The following DOCK7 variants were observed in gnomAD, a reference collection of about 807,000 sequenced individuals.
The protein encoded by DOCK7 is dedicator of cytokinesis protein 7.
Under a neutral mutation model 271.0 loss-of-function variants are expected in DOCK7, and 138 were observed. The observed-to-expected ratio is 0.51, with a 90% CI of 0.44 to 0.59. The LOEUF (loss-of-function observed/expected upper bound fraction) is 0.59, where lower values mean the gene tolerates loss of function less well. Ranked by LOEUF, DOCK7 falls within the 20% of genes least tolerant of loss-of-function variation. The pLI is 0.00. For synonymous variants in DOCK7, 823 were observed against 876.1 expected (o/e 0.94, Z 1.07); for missense variants, 2,066 against 2,592.4 (o/e 0.80, Z 4.41).
intron 43 of DOCK7, chr1:62,479,766 T>TCAA: frequency 2.7e-6 from 1 of 365,936 alleles, no homozygotes; most frequent in South Asian, 2.1e-5. Flanking sequence ...TCACTACAGC[T>TCAA]TCTGTCTCCT....
At chr1:62,606,958 A>G (rs961254280) in intron 14 of DOCK7, among the ~76,000 whole-genome samples, 8 of 152,170 alleles carry the variant, frequency 5.3e-5, no homozygotes, top group Non-Finnish European at 8.8e-5. Flanking sequence ...CTGTAATCCC[A>G]GGACTTTGGG....
intron 13 of DOCK7, 59 bp from the exon 14 acceptor site, chr1:62,618,927 G>GT: frequency 1.0e-5 from 15 of 1,483,336 alleles, no homozygotes; most frequent in Non-Finnish European, 1.2e-5. Context: ...CGTTAAACAT[G>GT]TTTTTTAAAG....
intron 13 of DOCK7, 73 bp downstream of exon 13, chr1:62,619,827 C>A: frequency 1.2e-5 from 11 of 881,942 alleles, no homozygotes; most frequent in East Asian, 5.7e-5. Flanking sequence ...AAAAAAGATA[C>A]ATAATTATAA....
At chr1:62,573,091 C>T (rs756676201) in intron 18 of DOCK7, among the ~76,000 whole-genome samples, 2 of 152,102 alleles carry the variant, frequency 1.3e-5, no homozygotes, top group Non-Finnish European at 2.9e-5. Context: ...GAGTGTGTAT[C>T]AGTAGCATGG....
In DOCK7 at chr1:62,634,781, C is replaced by T; in HGVS notation, c.1027G>A (p.Val343Ile). The change falls in exon 9 of 50, where the codon GTA becomes ATA. Residue 343 changes from valine to isoleucine, a missense_variant. Coordinates refer to ENST00000635253, the MANE Select transcript of DOCK7 (RefSeq NM_001367561.1). ...TTTAACATTATTCTCACCTTTATTA[C>T]AAGAAAAACATCTTGGGAAGGATAA... ...ITYPSQDVFLVIKLEKVLQQG... is the reference protein window; with the variant it reads ...ITYPSQDVFLIIKLEKVLQQG... 1 of 1,611,350 alleles carries T rather than the reference C, an allele frequency of 6.2e-7. No individual in the cohort carries two copies.
chr1:62,678,621 T>G (rs921148313), intron 1 of DOCK7, among the ~76,000 whole-genome samples: 6 of 152,210 alleles, frequency 3.9e-5, no homozygotes, highest in Non-Finnish European at 5.9e-5. Flanking sequence ...CTATGAGTTT[T>G]GGGTTCAGGG....
At chr1:62,556,018 T>C (rs752301983) in intron 20 of DOCK7, 29 bp from the exon 21 acceptor site, 1 of 1,604,780 alleles carries the variant, frequency 6.2e-7, no homozygotes. Context: ...TATTTACCTT[T>C]GCTTTAACTT....
intron 42 of DOCK7, 187 bp from the exon 43 acceptor site, chr1:62,487,599 C>A: frequency 2.0e-6 from 1 of 492,908 alleles, no homozygotes; most frequent in Non-Finnish European, 3.6e-6. Flanking sequence ...AACCCAGTGG[C>A]TAAAATTTTG....
chr1:62,518,080 C>T (rs1168047), intron 31 of DOCK7, among the ~76,000 whole-genome samples: 88,693 of 152,008 alleles, frequency 0.58, 27,542 homozygotes, highest in East Asian at 0.76. Flanking sequence ...TAGAAGTACA[C>T]ATAGTATATA....
At chr1:62,543,900 C>A (rs1382631480) in intron 23 of DOCK7, among the ~76,000 whole-genome samples, 155 bp from the exon 24 acceptor site, 1 of 152,094 alleles carries the variant, frequency 6.6e-6, no homozygotes, top group South Asian at 2.1e-4. Context: ...CCATGTTAAG[C>A]TGCTTTAATG....
chr1:62,558,733 A>C (rs1646225842), intron 20 of DOCK7, among the ~76,000 whole-genome samples: 1 of 152,176 alleles, frequency 6.6e-6, no homozygotes, highest in Non-Finnish European at 1.5e-5. Flanking sequence ...GTACATAGTA[A>C]GTGCTTAATA....
intron 14 of DOCK7, chr1:62,601,985 A>AAT (rs1351726089): frequency 2.9e-6 from 2 of 686,014 alleles, no homozygotes; most frequent in Non-Finnish European, 5.1e-6. Context: ...ATATATATGA[A>AAT]ATATATATGA....
At chr1:62,597,586 T>TA in intron 14 of DOCK7, 1 of 1,612,796 alleles carries the variant, frequency 6.2e-7, no homozygotes, top group Non-Finnish European at 8.5e-7. Flanking sequence ...ATTAAGCTCC[T>TA]TCTTTTTATT....
In DOCK7 at chr1:62,495,657, G is replaced by A. The variant is rs1253500693; in HGVS notation, c.4948C>T (p.His1650Tyr). ...DQVQDLVFNL[H>Y]MILSDTVKMK... is the part of the protein sequence containing the mutation. ...TTCACAGTATCAGAAAGAATCATAT[G>A]GAGATTGAAAACCAGATCCTGGACC... The change falls in exon 39 of 50, where the codon CAT becomes TAT. Residue 1650 changes from histidine (H) to tyrosine (Y), a missense_variant. His to Tyr is a moderately conservative substitution (Grantham distance 83, BLOSUM62 2). Transcript: ENST00000635253. 3 of 1,583,976 alleles carry A rather than the reference G, an allele frequency of 1.9e-6. No homozygotes were observed. The highest frequency in any genetic ancestry group is 2.4e-5 in the South Asian group (2 of 84,602).
At chr1:62,624,867 AG>A (rs1653743205) in intron 12 of DOCK7, among the ~76,000 whole-genome samples, 1 of 152,012 alleles carries the variant, frequency 6.6e-6, no homozygotes, top group South Asian at 2.1e-4. Context: ...GCTACTCAGG[AG>A]GCTGAGGCAG....
At chr1:62,581,730 C>A (rs559530056) in intron 16 of DOCK7, among the ~76,000 whole-genome samples, 1 of 149,928 alleles carries the variant, frequency 6.7e-6, no homozygotes, top group Non-Finnish European at 1.5e-5. Flanking sequence ...CTTACACTTA[C>A]GGGAAAAAGA....
In DOCK7 at chr1:62,648,459, C is replaced by T; in HGVS notation, c.475G>A (p.Glu159Lys). 1.3e-6 allele frequency: 2 copies of T among 1,548,344 alleles called. No homozygotes were observed. The highest frequency in any genetic ancestry group is 1.3e-5 in the South Asian group (1 of 79,082). Reference sequence around the variant, plus strand: ...TTGCCATCTGGAGCTTCATCAGATTCAAAAACTTGTTTTGGCAAACCTTTT... The same window carrying T: ...TTGCCATCTGGAGCTTCATCAGATTTAAAAACTTGTTTTGGCAAACCTTTT... ...RQKGLPKQVF[E>K]SDEAPDGNSY... The change falls in exon 5 of 50, where the codon GAA becomes AAA. Residue 159 changes from glutamate to lysine, a missense_variant. Glu to Lys is a moderately conservative substitution (Grantham distance 56). Coordinates refer to ENST00000635253, the MANE Select transcript of DOCK7 (RefSeq NM_001367561.1).
chr1:62,548,640 C>T (rs570455371), intron 22 of DOCK7, among the ~76,000 whole-genome samples: 2 of 152,236 alleles, frequency 1.3e-5, no homozygotes, highest in South Asian at 2.1e-4. Flanking sequence ...AGGCTGGTCT[C>T]GAACTCCCAA....
chr1:62,619,117 GA>G (rs1274645834), intron 13 of DOCK7, among the ~76,000 whole-genome samples: 1 of 151,900 alleles, frequency 6.6e-6, no homozygotes, highest in Non-Finnish European at 1.5e-5. Flanking sequence ...GAATGGGAAT[GA>G]AGGAAGGAAG....
Sources: allele counts gnomAD v4.1 joint callset (sites outside exome capture counted in the v4.1 genomes callset), GRCh38; gene constraint gnomAD v4.1.1; transcripts MANE v1.5; gene names NCBI Gene and HGNC (gene_info 2026-07-23, HGNC 2026-07-21).